LTF: variants seen among roughly 807,000 people sequenced by gnomAD.
The protein encoded by LTF is epididymis luminal protein 110.
In LTF, 91 loss-of-function variants were observed where a neutral mutation model predicts 87.2. The ratio of observed to expected loss-of-function variants is 1.04; its 90% CI spans 0.88 to 1.24. LTF has a LOEUF of 1.24. Ranked by LOEUF, LTF falls within the 50% of genes most tolerant of loss-of-function variation. The pLI, the probability that LTF is intolerant of heterozygous loss-of-function variation, is 0.00. For missense variants in LTF, 901 were observed against 904.3 expected, an observed-to-expected ratio of 1.00 and a Z score of 0.05; for synonymous variants, 378 against 356.1, an observed-to-expected ratio of 1.06 and a Z score of -0.69.
intron 12 of LTF, among the ~76,000 whole-genome samples, chr3:46,445,006 C>T (rs1225390729): frequency 3.3e-5 from 5 of 152,216 alleles, no homozygotes; most frequent in Admixed American, 1.3e-4. Context: ...CATCTTGGAA[C>T]TTGCATTTAT....
intron 15 of LTF, among the ~76,000 whole-genome samples, chr3:46,438,552 C>T (rs998459058): frequency 1.3e-5 from 2 of 152,226 alleles, no homozygotes; most frequent in Non-Finnish European, 2.9e-5. Flanking sequence ...CTAACCAGCT[C>T]AGTGTGCAGG....
rs369747155 is a variant in LTF, at chr3:46,436,133, G to A, written c.*62C>T. The A allele has an allele frequency of 1.2e-5, 18 of 1,551,124 alleles. No homozygotes were observed. The South Asian group carries it at 1.7e-4, about 14-fold the overall frequency. ...GCCAAGGCCCCAACACACCTGGGGA[G>A]AAGAGCTGGGGGCAGTGAATGGCTG... On this transcript the variant is annotated 3_prime_UTR_variant, in exon 17 of 17. Coordinates refer to ENST00000231751, the MANE Select transcript of LTF (RefSeq NM_002343.6).
chr3:46,442,942 T>C (rs1702558781), intron 13 of LTF, among the ~76,000 whole-genome samples: 1 of 152,206 alleles, frequency 6.6e-6, no homozygotes, highest in Non-Finnish European at 1.5e-5. Context: ...TTCTGAAAAC[T>C]TGTTTTTTGG....
upstream of LTF, among the ~76,000 whole-genome samples, chr3:46,466,868 A>G (rs192194942): frequency 6.6e-6 from 1 of 152,324 alleles, no homozygotes; most frequent in African/African-American, 2.4e-5. Context: ...ATTAAGAAAC[A>G]TCATAACCCG....
intron 8 of LTF, 54 bp from the exon 9 acceptor site, chr3:46,449,071 C>A: frequency 1.3e-6 from 2 of 1,533,606 alleles, no homozygotes; most frequent in South Asian, 2.4e-5. Context: ...GCCAGGTTGT[C>A]CAACCTCCCC....
At chr3:46,442,130 G>A (rs1233238779) in intron 13 of LTF, among the ~76,000 whole-genome samples, 1 of 151,996 alleles carries the variant, frequency 6.6e-6, no homozygotes, top group African/African-American at 2.4e-5. Flanking sequence ...GTACAATAAG[G>A]GAAATATAAT....
At chr3:46,474,071 G>GA (rs981642989) in intron 1 of LTF, among the ~76,000 whole-genome samples, 2 of 151,802 alleles carry the variant, frequency 1.3e-5, no homozygotes, top group African/African-American at 2.4e-5. Context: ...AAAACAGAGA[G>GA]AAAAAAATAA....
At chr3:46,483,433 G>A (rs1053003686) in intron 1 of LTF, among the ~76,000 whole-genome samples, 11 of 152,196 alleles carry the variant, frequency 7.2e-5, no homozygotes, top group African/African-American at 2.7e-4. Flanking sequence ...TATCAACTAA[G>A]CAGTGAGAAT....
chr3:46,438,967 T>C (rs1054100879), intron 15 of LTF, among the ~76,000 whole-genome samples: 10 of 151,938 alleles, frequency 6.6e-5, no homozygotes, highest in Admixed American at 6.5e-4. Context: ...CTAATGCATG[T>C]GGGAGGAAGG....
chr3:46,466,392 G>A (rs1350492372), upstream of LTF, among the ~76,000 whole-genome samples: 6 of 152,370 alleles, frequency 3.9e-5, no homozygotes, highest in African/African-American at 1.2e-4. Context: ...TCTTGACTCT[G>A]CTTAGACTAC....
intron 1 of LTF, among the ~76,000 whole-genome samples, chr3:46,462,860 AGAGAGT>A (rs1703118729): frequency 1.7e-5 from 2 of 117,596 alleles, no homozygotes; most frequent in Admixed American, 1.0e-4. Context: ...GGGTGAAGGG[AGAGAGT>A]AAAATGGAAG....
chr3:46,440,540 C>T (rs1275285104), intron 14 of LTF, among the ~76,000 whole-genome samples: 1 of 152,198 alleles, frequency 6.6e-6, no homozygotes, highest in Non-Finnish European at 1.5e-5. Context: ...ATTGTTCCGG[C>T]TCCCGTTTGT....
chr3:46,445,543 C>T (rs1023609704), intron 11 of LTF, 107 bp from the exon 12 acceptor site: 3 of 915,068 alleles, frequency 3.3e-6, no homozygotes, highest in African/African-American at 3.4e-5. Flanking sequence ...CAAGAAGCAA[C>T]ACCAGGCAAT....
intron 1 of LTF, among the ~76,000 whole-genome samples, chr3:46,471,934 C>T (rs1053560729): frequency 3.3e-5 from 5 of 152,156 alleles, no homozygotes; most frequent in Non-Finnish European, 7.3e-5. Context: ...TTAACACGCA[C>T]CACTTTAAGG....
At chr3:46,457,553 A>G (rs985273531) in intron 2 of LTF, among the ~76,000 whole-genome samples, 1 of 152,178 alleles carries the variant, frequency 6.6e-6, no homozygotes, top group Non-Finnish European at 1.5e-5. Context: ...CCAATTCAGA[A>G]TGGCGCTGAC....
chr3:46,450,480 C>G lies in LTF; in HGVS notation c.882+15G>C, dbSNP rs763984922. The G allele has an allele frequency of 6.3e-7, 1 of 1,598,232 alleles. No homozygotes were observed. The highest frequency in any genetic ancestry group is 1.7e-5 in the Admixed American group (1 of 57,732). On this transcript the variant is annotated intron_variant, in intron 7 of 16. Transcript: ENST00000231751. Reference sequence around the variant, plus strand: ...CCATATCCAAGCAAGTGGGGAGGACCGTGGGTGAAGATACCTGTGCCTGGC... The same window carrying G: ...CCATATCCAAGCAAGTGGGGAGGACGGTGGGTGAAGATACCTGTGCCTGGC...
rs1482206913 is a variant in LTF at position 46,435,761 on chromosome 3, A to G, written c.*434T>C. ...CCTGCCCTGCCTTGGGGACACGCAC[A>G]CACTCCCAGGCACATACATGCACGT... On this transcript the variant is annotated 3_prime_UTR_variant, in exon 17 of 17. Transcript: ENST00000231751. The G allele has an allele frequency of 2.7e-5, 5 of 183,918 alleles. No individual in the cohort carries two copies. In the East Asian group the frequency reaches 7.9e-4, roughly 29 times the overall value. The allele number at this position is 183,918 out of a possible 1,614,324, so 11.4% of individuals were successfully genotyped here.
intron 1 of LTF, among the ~76,000 whole-genome samples, chr3:46,482,852 G>C (rs1196694803): frequency 2.0e-5 from 3 of 151,186 alleles, no homozygotes; most frequent in Non-Finnish European, 2.9e-5. Context: ...GGAGGGACAA[G>C]AGACAGACAG....
intron 1 of LTF, among the ~76,000 whole-genome samples, chr3:46,484,259 T>C (rs1012965448): frequency 2.0e-5 from 3 of 152,208 alleles, no homozygotes; most frequent in Non-Finnish European, 2.9e-5. Context: ...GGGCTCTGGC[T>C]AGCAAAGGGT....
Sources: allele counts gnomAD v4.1 joint callset (sites outside exome capture counted in the v4.1 genomes callset), GRCh38; gene constraint gnomAD v4.1.1; transcripts MANE v1.5; gene names NCBI Gene and HGNC (gene_info 2026-07-23, HGNC 2026-07-21).